The following ENPP7 variants were observed in gnomAD, a reference collection of about 807,000 sequenced individuals.
ENPP7 encodes ectonucleotide pyrophosphatase/phosphodiesterase 7, also known as ectonucleotide pyrophosphatase/phosphodiesterase family member 7.
Under a neutral mutation model 33.6 loss-of-function variants are expected in ENPP7, and 39 were observed. The observed-to-expected ratio is 1.16, with a 90% CI of 0.90 to 1.52. ENPP7 has a LOEUF of 1.52. Ranked by LOEUF, ENPP7 falls within the 40% of genes most tolerant of loss-of-function variation. The pLI is 0.00. For synonymous variants in ENPP7, 244 were observed against 274.3 expected, an observed-to-expected ratio of 0.89 and a Z score of 1.09; for missense variants, 594 against 641.0, an observed-to-expected ratio of 0.93 and a Z score of 0.79.
Position 79,739,927 on chromosome 17 carries a change from TC to T in ENPP7, c.*17-1865del. On this transcript the variant is annotated intron_variant, in intron 5 of 5. Coordinates refer to ENST00000328313, the MANE Select transcript of ENPP7 (RefSeq NM_178543.5). The surrounding 1 kb of genome is among the most constrained non-coding windows in gnomAD (Gnocchi z 4.4). ...GGGAATGAGGCCAGGTGCGGTGGCTTCCGCCTGGAACCCCAGTACTTCCAGA... is the reference window on the plus strand; with the variant it reads ...GGGAATGAGGCCAGGTGCGGTGGCTTCGCCTGGAACCCCAGTACTTCCAGA... 6.6e-6 allele frequency among the ~76,000 whole-genome samples: 1 copy of T among 152,298 alleles called. No individual in the cohort carries two copies. Among genetic ancestry groups the T allele is most frequent in the Non-Finnish European group, 1.5e-5 (1 of 68,026 alleles).
chr17:79,734,133 C>G (rs535760464), intron 2 of ENPP7, among the ~76,000 whole-genome samples: 1 of 152,196 alleles, frequency 6.6e-6, no homozygotes, highest in South Asian at 2.1e-4. Flanking sequence ...ACAGTATTGA[C>G]CCAGGAACCC....
chr17:79,735,646 G>A lies in ENPP7; in HGVS notation c.1003G>A (p.Asp335Asn), dbSNP rs567900911. 2.1e-5 allele frequency: 34 copies of A among 1,609,390 alleles called. No homozygotes were observed. The highest frequency in any genetic ancestry group is 1.3e-4 in the East Asian group (6 of 44,758). ...PRVTPLLMYSDLGYVIHGRIN... is the reference protein window; with the variant it reads ...PRVTPLLMYSNLGYVIHGRIN... ...GGTCACACCCCTGCTGATGTACAGC[G>A]ACCTTGGCTACGTCATCCATGGGGT... Residue 335 changes from aspartate to asparagine, a missense_variant, in exon 3 of 6, where the codon GAC becomes AAC. Around this residue, in one of 3 missense-constraint regions of ENPP7, gnomAD observed 504 missense variants for 512.8 expected, o/e 0.98. Transcript: ENST00000328313. The surrounding 1 kb of genome is among the most constrained non-coding windows in gnomAD (Gnocchi z 5.5).
rs202124680 is a variant in ENPP7 at position 79,735,589 on chromosome 17, C to A, written c.946C>A (p.Pro316Thr). ...CCACGTCTACAAGAAGGAGGCGTTC[C>A]CCGAGGCCTTCCACTACGCCAACAA... ...KLHVYKKEAF[P>T]EAFHYANNPR... The change falls in exon 3 of 6, where the codon CCC (proline) becomes ACC (threonine). Residue 316 changes from proline (P) to threonine (T), a missense_variant. By Grantham distance (38) the Pro-to-Thr change is conservative (BLOSUM62 -1). Around this residue, in one of 3 missense-constraint regions of ENPP7, gnomAD observed 504 missense variants for 512.8 expected, o/e 0.98. Coordinates refer to ENST00000328313, the MANE Select transcript of ENPP7 (RefSeq NM_178543.5). This position sits in a 1 kb window ranked among gnomAD's most constrained non-coding sequence, Gnocchi z 5.5. The A allele has an allele frequency of 3.7e-6, 6 of 1,613,704 alleles. No individual in the cohort carries two copies. The East Asian group carries it at 8.9e-5, about 24-fold the overall frequency.
chr17:79,734,500 C>T (rs4462635), intron 2 of ENPP7, among the ~76,000 whole-genome samples: 18 of 139,716 alleles, frequency 1.3e-4, no homozygotes, highest in Non-Finnish European at 2.2e-4. Context: ...TTTTTTGAGA[C>T]GGAGTCTCGC....
At chr17:79,733,388 T>C (rs1168535061) in intron 1 of ENPP7, 120 bp from the exon 2 acceptor site, 2 of 1,035,862 alleles carry the variant, frequency 1.9e-6, no homozygotes, top group East Asian at 2.5e-5. Flanking sequence ...CCAGGCCCAC[T>C]CCCCACCCAG....
At position 79,737,811 on chromosome 17, in the gene ENPP7, A is replaced by C. The variant is rs2094298663; in HGVS notation, c.1247-105A>C. ...GGGACCAAGGGGGCGGTGAAAGAGGAAGGAGGGGCTCGTGGGGACCAACAG... is the reference window on the plus strand; with the variant it reads ...GGGACCAAGGGGGCGGTGAAAGAGGCAGGAGGGGCTCGTGGGGACCAACAG... On this transcript the variant is annotated intron_variant, in intron 4 of 5. Transcript: ENST00000328313. The surrounding 1 kb of genome is among the most constrained non-coding windows in gnomAD (Gnocchi z 5.5). The C allele has an allele frequency of 7.9e-7, 1 of 1,266,102 alleles. No homozygotes were observed. Among genetic ancestry groups the C allele is most frequent in the Admixed American group, 1.8e-5 (1 of 56,924 alleles). 78.4% of individuals were successfully genotyped at this position (1,266,102 alleles called of 1,614,324 possible).
chr17:79,733,458 G>T, intron 1 of ENPP7, 50 bp from the exon 2 acceptor site: 1 of 1,588,206 alleles, frequency 6.3e-7, no homozygotes, highest in Non-Finnish European at 8.6e-7. Context: ...TCCGGCCTTC[G>T]CTGTGACCCC....
intron 3 of ENPP7, among the ~76,000 whole-genome samples, chr17:79,736,517 C>T (rs1348313251): frequency 6.6e-6 from 1 of 150,854 alleles, no homozygotes; most frequent in Non-Finnish European, 1.5e-5. Flanking sequence ...TCCATCATGA[C>T]CAGGCACTGT....
In ENPP7 at chr17:79,735,567, C is replaced by A; in HGVS notation, c.924C>A (p.His308Gln). The A allele has an allele frequency of 1.2e-6, 2 of 1,613,932 alleles. No individual in the cohort carries two copies. The highest frequency in any genetic ancestry group is 1.1e-5 in the South Asian group (1 of 91,088). Residue 308 changes from histidine (H) to glutamine (Q), a missense_variant, in exon 3 of 6, where the codon CAC becomes CAA. Physicochemically the swap from His to Gln is conservative, Grantham distance 24. This residue lies in a region of ENPP7 where 504 missense variants were observed against 512.8 expected (regional missense o/e 0.98). Coordinates refer to ENST00000328313, the MANE Select transcript of ENPP7 (RefSeq NM_178543.5). The surrounding 1 kb of genome is among the most constrained non-coding windows in gnomAD (Gnocchi z 5.5). ...TCAAGGACGCCCACCCCAAGCTCCA[C>A]GTCTACAAGAAGGAGGCGTTCCCCG... ...DALKDAHPKL[H>Q]VYKKEAFPEA...
In ENPP7 at chr17:79,737,895, A is replaced by G; in HGVS notation, c.1247-21A>G. ...GAGGAGCCATCCCTCTCTCCCTCAC[A>G]GGTCCTCTGGCTTTCCTTAGAATCT... On this transcript the variant is annotated intron_variant, in intron 4 of 5. Coordinates refer to ENST00000328313, the MANE Select transcript of ENPP7 (RefSeq NM_178543.5). This position sits in a 1 kb window ranked among gnomAD's most constrained non-coding sequence, Gnocchi z 5.5. 1 of 1,613,094 alleles carries G rather than the reference A, an allele frequency of 6.2e-7. No homozygotes were observed. Among genetic ancestry groups the G allele is most frequent in the Non-Finnish European group, 8.5e-7 (1 of 1,179,764 alleles).
In ENPP7 at chr17:79,738,326, C is replaced by T. The variant is rs939646444; in HGVS notation, c.*16+264C>T. 5.0e-6 allele frequency: 2 copies of T among 403,488 alleles called. No individual in the cohort carries two copies. The highest frequency in any genetic ancestry group is 4.6e-6 in the Non-Finnish European group (1 of 218,406). 25.0% of individuals were successfully genotyped at this position (403,488 alleles called of 1,614,324 possible). ...CAGTGGCCAGAATTCCCACCCTCCC[C>T]CAAAAGCCAGAACTCCCTCAGCCTC... On this transcript the variant is annotated intron_variant, in intron 5 of 5. Transcript: ENST00000328313. This position sits in a 1 kb window ranked among gnomAD's most constrained non-coding sequence, Gnocchi z 6.2.
At position 79,731,010 on chromosome 17, in the gene ENPP7, C is replaced by A; in HGVS notation, c.-130C>A. Reference sequence around the variant, plus strand: ...GGGAGCCCACTCCCGAGGTTCGACCCGGGGATGTGCACAGCCACATTCCAA... The same window carrying A: ...GGGAGCCCACTCCCGAGGTTCGACCAGGGGATGTGCACAGCCACATTCCAA... On this transcript the variant is annotated 5_prime_UTR_variant, in exon 1 of 6. Transcript: ENST00000328313. The A allele has an allele frequency of 1.9e-6, 2 of 1,063,358 alleles. No homozygotes were observed. The highest frequency in any genetic ancestry group is 2.6e-6 in the Non-Finnish European group (2 of 758,704). 65.9% of individuals were successfully genotyped at this position (1,063,358 alleles called of 1,614,324 possible). A position where few individuals can be genotyped will look rare whatever the true frequency, so the allele number is the denominator to read the frequency against.
At position 79,735,390 on chromosome 17, in the gene ENPP7, G is replaced by A. The variant is rs782441493; in HGVS notation, c.747G>A (p.Met249Ile). Reference protein sequence around the residue: ...LNLIITSDHGMTTVDKRAGDL... With the variant: ...LNLIITSDHGITTVDKRAGDL... ...TGATCATCACATCCGACCACGGCAT[G>A]ACGACCGTGGACAAACGGGCTGGCG... Residue 249 changes from methionine (M) to isoleucine (I), a missense_variant, in exon 3 of 6, where the codon ATG becomes ATA. Coordinates refer to ENST00000328313, the MANE Select transcript of ENPP7 (RefSeq NM_178543.5). This position sits in a 1 kb window ranked among gnomAD's most constrained non-coding sequence, Gnocchi z 5.5. The A allele has an allele frequency of 2.5e-6, 4 of 1,614,068 alleles. No individual in the cohort carries two copies. The highest frequency in any genetic ancestry group is 1.7e-5 in the Admixed American group (1 of 60,018).
Position 79,735,629 on chromosome 17 carries a change from C to A in ENPP7, c.986C>A (p.Pro329His). 3 of 1,613,326 alleles carry A rather than the reference C, an allele frequency of 1.9e-6. No individual in the cohort carries two copies. The highest frequency in any genetic ancestry group is 2.5e-6 in the Non-Finnish European group (3 of 1,179,700). ...TACGCCAACAACCCCAGGGTCACACCCCTGCTGATGTACAGCGACCTTGGC... is the reference window on the plus strand; with the variant it reads ...TACGCCAACAACCCCAGGGTCACACACCTGCTGATGTACAGCGACCTTGGC... The part of the protein sequence containing the change: ...FHYANNPRVT[P>H]LLMYSDLGYV... The change falls in exon 3 of 6, where the codon CCC (proline) becomes CAC (histidine). Residue 329 changes from proline to histidine, a missense_variant. Around this residue, in one of 3 missense-constraint regions of ENPP7, gnomAD observed 504 missense variants for 512.8 expected, o/e 0.98. Coordinates refer to ENST00000328313, the MANE Select transcript of ENPP7 (RefSeq NM_178543.5). This position sits in a 1 kb window ranked among gnomAD's most constrained non-coding sequence, Gnocchi z 5.5.
In ENPP7 at chr17:79,738,712, G is replaced by C. The variant is rs1294837861; in HGVS notation, c.*16+650G>C. The C allele has an allele frequency of 1.3e-5, 2 of 149,362 alleles. No individual in the cohort carries two copies. The highest frequency in any genetic ancestry group is 2.5e-5 in the African/African-American group (1 of 40,378). 9.3% of individuals were successfully genotyped at this position (149,362 alleles called of 1,614,324 possible). ...AACTCTCTGGAAGCCCACCTCCAAG[G>C]ACACGCATGGGGTGCGTTTGGGAGG... On this transcript the variant is annotated intron_variant, in intron 5 of 5. Transcript: ENST00000328313. This position sits in a 1 kb window ranked among gnomAD's most constrained non-coding sequence, Gnocchi z 6.2.
chr17:79,739,768 A>G lies in ENPP7; in HGVS notation c.*16+1706A>G, dbSNP rs1172491866. The stretch of plus-strand genomic sequence containing the variant: ...TGGCAATTTAAATTTGAGACTTGTC[A>G]ACACAAGCTATGGGACTCAATGAAA... On this transcript the variant is annotated intron_variant, in intron 5 of 5. Transcript: ENST00000328313. This position sits in a 1 kb window ranked among gnomAD's most constrained non-coding sequence, Gnocchi z 4.4. Among the ~76,000 whole-genome samples, 1 of 152,256 alleles carries G rather than the reference A, an allele frequency of 6.6e-6. No individual in the cohort carries two copies. The highest frequency in any genetic ancestry group is 2.4e-5 in the African/African-American group (1 of 41,474).
Position 79,737,448 on chromosome 17 carries a change from C to T in ENPP7, c.1246+188C>T, listed in dbSNP as rs1330178902. 2.6e-5 allele frequency among the ~76,000 whole-genome samples: 4 copies of T among 152,208 alleles called. No individual in the cohort carries two copies. The highest frequency in any genetic ancestry group is 2.1e-4 in the South Asian group (1 of 4,836). ...CCTCTCACGAGCACCTCATGCATCT[C>T]GGGCGGCACGAGAGGGCGAGGGGGA... On this transcript the variant is annotated intron_variant, in intron 4 of 5. Coordinates refer to ENST00000328313, the MANE Select transcript of ENPP7 (RefSeq NM_178543.5). The surrounding 1 kb of genome is among the most constrained non-coding windows in gnomAD (Gnocchi z 5.5).
Position 79,741,822 on chromosome 17 carries a change from T to C in ENPP7, c.*45T>C. ...GCCGCCGGGAGCTGCCCGCAGGCCC[T>C]GGGCCGGCTGTCTCGCTGCGATGCT... On this transcript the variant is annotated 3_prime_UTR_variant, in exon 6 of 6. Coordinates refer to ENST00000328313, the MANE Select transcript of ENPP7 (RefSeq NM_178543.5). 1 of 986,004 alleles carries C rather than the reference T, an allele frequency of 1.0e-6. No individual in the cohort carries two copies. The highest frequency in any genetic ancestry group is 1.2e-6 in the Non-Finnish European group (1 of 830,460). 61.1% of individuals were successfully genotyped at this position (986,004 alleles called of 1,614,324 possible).
chr17:79,732,710 G>A (rs1055157738), intron 1 of ENPP7, among the ~76,000 whole-genome samples: 2 of 152,152 alleles, frequency 1.3e-5, no homozygotes, highest in Non-Finnish European at 2.9e-5. Context: ...TACACCAGTC[G>A]CTGAATTTCG....
Sources: allele counts gnomAD v4.1 joint callset (sites outside exome capture counted in the v4.1 genomes callset), GRCh38; gene constraint gnomAD v4.1.1; regional missense constraint gnomAD v4.1.1; non-coding constraint Gnocchi (gnomAD v3.1); transcripts MANE v1.5; gene names NCBI Gene and HGNC (gene_info 2026-07-23, HGNC 2026-07-21).